Variants in GLYATL2 observed in about 807,000 individuals in gnomAD.
GLYATL2 encodes the protein glycine-N-acyltransferase like 2, also known as glycine N-acyltransferase-like protein 2.
GLYATL2 carries 25 observed loss-of-function variants against 21.4 expected under a neutral mutation model. The ratio of observed to expected loss-of-function variants is 1.17; its 90% CI spans 0.85 to 1.63. The LOEUF (loss-of-function observed/expected upper bound fraction) is 1.63, where lower values mean the gene tolerates loss of function less well. GLYATL2 is among the 40% of genes most tolerant of loss of function. GLYATL2 has a pLI of 0.00. For missense variants in GLYATL2, 361 were observed against 343.3 expected, an observed-to-expected ratio of 1.05 and a Z score of -0.41; for synonymous variants, 114 against 118.2, an observed-to-expected ratio of 0.96 and a Z score of 0.23.
At chr11:58,886,450 C>T (rs961886686) in intron 1 of GLYATL2, among the ~76,000 whole-genome samples, 1 of 152,166 alleles carries the variant, frequency 6.6e-6, no homozygotes, top group African/African-American at 2.4e-5. Flanking sequence ...AATTCAAGTT[C>T]ATTGCACTCT....
intron 1 of GLYATL2, among the ~76,000 whole-genome samples, chr11:58,840,273 T>C (rs1365837020): frequency 2.0e-5 from 3 of 152,140 alleles, no homozygotes; most frequent in African/African-American, 7.2e-5. Flanking sequence ...ACCAAACTCT[T>C]TTATTCAGTA....
At chr11:58,847,635 T>C (rs568292104), upstream of GLYATL2, among the ~76,000 whole-genome samples, 1 of 152,336 alleles carries the variant, frequency 6.6e-6, no homozygotes, top group African/African-American at 2.4e-5. Context: ...GGGAAGAACT[T>C]CATCTTGTGG....
intron 1 of GLYATL2, among the ~76,000 whole-genome samples, chr11:58,869,857 A>G (rs1354376239): frequency 6.6e-6 from 1 of 152,210 alleles, no homozygotes; most frequent in Non-Finnish European, 1.5e-5. Context: ...TTAAGGTACC[A>G]GAGTTTAGCA....
At chr11:58,863,730 G>A (rs1484677343) in intron 1 of GLYATL2, among the ~76,000 whole-genome samples, 1 of 152,130 alleles carries the variant, frequency 6.6e-6, no homozygotes, top group African/African-American at 2.4e-5. Context: ...TAGGTCTTCA[G>A]GGCTGGCATG....
chr11:58,875,837 G>A (rs1854220099), intron 1 of GLYATL2, among the ~76,000 whole-genome samples: 1 of 152,214 alleles, frequency 6.6e-6, no homozygotes, highest in Admixed American at 6.5e-5. Context: ...ATGTTGGCCT[G>A]CCTTGCTGGA....
intron 1 of GLYATL2, among the ~76,000 whole-genome samples, chr11:58,871,977 T>C (rs1465249302): frequency 6.6e-6 from 1 of 151,172 alleles, no homozygotes; most frequent in African/African-American, 2.5e-5. Flanking sequence ...ATCACCATTC[T>C]AACTGGTGTG....
chr11:58,903,266 G>T (rs1196597016), intron 1 of GLYATL2, among the ~76,000 whole-genome samples: 1 of 152,086 alleles, frequency 6.6e-6, no homozygotes, highest in Non-Finnish European at 1.5e-5. Flanking sequence ...GTAAAATACA[G>T]GGCACCTAAG....
intron 1 of GLYATL2, among the ~76,000 whole-genome samples, chr11:58,890,574 G>A (rs886903669): frequency 2.6e-5 from 4 of 152,098 alleles, no homozygotes; most frequent in Non-Finnish European, 5.9e-5. Context: ...TTAAAGGGTA[G>A]ATATTTCATT....
chr11:58,838,407 C>A (rs1461461637), intron 2 of GLYATL2, 39 bp from the exon 3 acceptor site: 2 of 1,253,044 alleles, frequency 1.6e-6, no homozygotes, highest in Non-Finnish European at 2.3e-6. Context: ...GGATGAAGTT[C>A]TTCTCCAATA....
Position 58,834,671 on chromosome 11 carries a change from T to C in GLYATL2, c.643A>G (p.Ile215Val), listed in dbSNP as rs1462021836. The change falls in exon 6 of 6, where the codon ATT (isoleucine) becomes GTT (valine). Residue 215 changes from isoleucine to valine, a missense_variant. Coordinates refer to ENST00000287275, the MANE Select transcript of GLYATL2 (RefSeq NM_145016.4). ...AACTCACAGGACTGTTCCATCACAATCCAAGAGACAAGCTGGCCCTCTGGA... is the reference window on the plus strand; with the variant it reads ...AACTCACAGGACTGTTCCATCACAACCCAAGAGACAAGCTGGCCCTCTGGA... Reference protein sequence around the residue: ...LGPEGQLVSWIVMEQSCELRM... With the variant: ...LGPEGQLVSWVVMEQSCELRM... The C allele has an allele frequency of 2.5e-6, 4 of 1,613,400 alleles. No individual in the cohort carries two copies. Among genetic ancestry groups the C allele is most frequent in the Non-Finnish European group, 2.5e-6 (3 of 1,179,982 alleles).
At chr11:58,861,697 C>T (rs1379084393) in intron 1 of GLYATL2, among the ~76,000 whole-genome samples, 6 of 151,620 alleles carry the variant, frequency 4.0e-5, no homozygotes, top group African/African-American at 1.5e-4. Context: ...TGTTTTGAAG[C>T]ATCTTACAAG....
chr11:58,878,039 G>A (rs1854270080), intron 1 of GLYATL2, among the ~76,000 whole-genome samples: 1 of 152,132 alleles, frequency 6.6e-6, no homozygotes, highest in East Asian at 1.9e-4. Flanking sequence ...GTTCATACAA[G>A]GCAAACACCC....
intron 1 of GLYATL2, chr11:58,884,916 GA>G: frequency 6.3e-6 from 1 of 159,408 alleles, no homozygotes. Context: ...GTTTCTTCTT[GA>G]AGGGCTCAAG....
chr11:58,838,392 G>A, intron 2 of GLYATL2, 24 bp from the exon 3 acceptor site: 8 of 1,449,608 alleles, frequency 5.5e-6, no homozygotes, highest in South Asian at 1.2e-5. Context: ...GAACAAAGCA[G>A]GAGAGGATGA....
chr11:58,841,655 A>G (rs1445064710), intron 1 of GLYATL2, among the ~76,000 whole-genome samples: 1 of 152,218 alleles, frequency 6.6e-6, no homozygotes, highest in African/African-American at 2.4e-5. Flanking sequence ...GAGGCAAACC[A>G]CAGATCTAGA....
chr11:58,883,445 C>T (rs1307350904), intron 1 of GLYATL2, among the ~76,000 whole-genome samples: 9 of 152,286 alleles, frequency 5.9e-5, no homozygotes, highest in African/African-American at 1.4e-4. Context: ...AAAACCTCTA[C>T]GCAAATAACC....
chr11:58,893,664 A>G (rs775271091), intron 1 of GLYATL2, among the ~76,000 whole-genome samples: 3 of 152,154 alleles, frequency 2.0e-5, no homozygotes, highest in Non-Finnish European at 4.4e-5. Flanking sequence ...AGCAGGGGAT[A>G]TAGTCTTTGA....
intron 1 of GLYATL2, among the ~76,000 whole-genome samples, chr11:58,879,785 G>A (rs574334839): frequency 6.6e-6 from 1 of 152,018 alleles, no homozygotes; most frequent in Admixed American, 6.5e-5. Flanking sequence ...AATGTACGTT[G>A]TGAATGTGAA....
chr11:58,877,349 C>T (rs993958120), intron 1 of GLYATL2, among the ~76,000 whole-genome samples: 5 of 152,204 alleles, frequency 3.3e-5, no homozygotes, highest in Non-Finnish European at 7.3e-5. Context: ...CAGAAATCAT[C>T]CATCTTCTGT....
Sources: allele counts gnomAD v4.1 joint callset (sites outside exome capture counted in the v4.1 genomes callset), GRCh38; gene constraint gnomAD v4.1.1; transcripts MANE v1.5; gene names NCBI Gene and HGNC (gene_info 2026-07-23, HGNC 2026-07-21).